NKAIN3: variants seen among roughly 807,000 people sequenced by gnomAD.
NKAIN3 encodes sodium/potassium-transporting ATPase subunit beta-1-interacting protein 3.
In NKAIN3, 25 loss-of-function variants were observed where a neutral mutation model predicts 30.2. That is an observed-to-expected ratio of 0.83 (90% CI 0.60 to 1.16). NKAIN3 has a LOEUF of 1.16. NKAIN3 is among the 50% of genes most tolerant of loss of function. The pLI, the probability that NKAIN3 is intolerant of heterozygous loss-of-function variation, is 0.00. For missense variants in NKAIN3, 225 were observed against 254.1 expected, an observed-to-expected ratio of 0.89 and a Z score of 0.78; for synonymous variants, 91 against 89.6, an observed-to-expected ratio of 1.02 and a Z score of -0.09.
chr8:62,267,195 T>G (rs968778511), intron 1 of NKAIN3, among the ~76,000 whole-genome samples: 1 of 152,248 alleles, frequency 6.6e-6, no homozygotes, highest in African/African-American at 2.4e-5. Context: ...TAACAAAATA[T>G]AAATAGAATT....
chr8:62,495,549 GTA>G (rs35102614), intron 1 of NKAIN3, among the ~76,000 whole-genome samples: 19 of 146,780 alleles, frequency 1.3e-4, no homozygotes, highest in South Asian at 4.3e-4. Flanking sequence ...GAGACAGAGA[GTA>G]TATATATATA....
At position 62,971,550 on chromosome 8, in the gene NKAIN3, T is replaced by C. The variant is rs1186155043; in HGVS notation, c.*6143T>C. ...TGGGAGGTTGAAGTAGGAGGGTTGTTTGAACCTGGGAGACGGAGGTTGCAG... is the reference window on the plus strand; with the variant it reads ...TGGGAGGTTGAAGTAGGAGGGTTGTCTGAACCTGGGAGACGGAGGTTGCAG... On this transcript the variant is annotated 3_prime_UTR_variant, in exon 7 of 7. Transcript: ENST00000623646. 6.6e-6 allele frequency among the ~76,000 whole-genome samples: 1 copy of C among 152,008 alleles called. No homozygotes were observed. The highest frequency in any genetic ancestry group is 6.6e-5 in the Admixed American group (1 of 15,250).
rs569927389 is a variant in NKAIN3 at position 62,741,222 on chromosome 8, A to G, written c.274-5710A>G. 3.9e-5 allele frequency among the ~76,000 whole-genome samples: 6 copies of G among 152,134 alleles called. No homozygotes were observed. In the South Asian group the frequency reaches 1.2e-3, roughly 32 times the overall value. On this transcript the variant is annotated intron_variant, in intron 3 of 6. Transcript: ENST00000623646. ...AGACTTACCTGAAATTCTCTTTTCT[A>G]TTGTCCTTGAAGTTCTGAACACTGC...
At chr8:62,464,943 C>T (rs756725293) in intron 1 of NKAIN3, among the ~76,000 whole-genome samples, 4 of 152,236 alleles carry the variant, frequency 2.6e-5, no homozygotes, top group Non-Finnish European at 5.9e-5. Flanking sequence ...ATAGAATTGG[C>T]ATTTCAATGT....
At chr8:62,517,038 G>A (rs1173809866) in intron 1 of NKAIN3, among the ~76,000 whole-genome samples, 1 of 149,482 alleles carries the variant, frequency 6.7e-6, no homozygotes, top group African/African-American at 2.6e-5. Context: ...CATTTCATTT[G>A]ACGCCTCATT....
chr8:62,379,022 G>T (rs1439352676), intron 1 of NKAIN3, among the ~76,000 whole-genome samples: 1 of 152,216 alleles, frequency 6.6e-6, no homozygotes, highest in Non-Finnish European at 1.5e-5. Flanking sequence ...AAAGCCACAG[G>T]GATGGAGCTT....
intron 4 of NKAIN3, among the ~76,000 whole-genome samples, chr8:62,771,163 C>T (rs951457432): frequency 2.6e-5 from 4 of 152,086 alleles, no homozygotes; most frequent in African/African-American, 7.2e-5. Context: ...CACAGTGGCT[C>T]GCACCTGTAA....
At chr8:62,997,443 A>T (rs189210290) in intron 5 of NKAIN3, among the ~76,000 whole-genome samples, 81 of 152,310 alleles carry the variant, frequency 5.3e-4, no homozygotes, top group African/African-American at 1.8e-3. Flanking sequence ...TAAAAAACTA[A>T]AAGGTCAATA....
chr8:62,844,928 A>G (rs1276585097), intron 4 of NKAIN3, among the ~76,000 whole-genome samples: 3 of 152,012 alleles, frequency 2.0e-5, no homozygotes, highest in Admixed American at 6.6e-5. Context: ...AATACTGTCT[A>G]CGAAGGGGCC....
At chr8:62,779,771 T>C (rs960647132) in intron 4 of NKAIN3, among the ~76,000 whole-genome samples, 10 of 152,102 alleles carry the variant, frequency 6.6e-5, no homozygotes, top group Non-Finnish European at 1.0e-4. Flanking sequence ...TATCTTCTCA[T>C]ACCACAATGG....
chr8:62,307,440 T>TC (rs1010997306), intron 1 of NKAIN3, among the ~76,000 whole-genome samples: 1 of 150,134 alleles, frequency 6.7e-6, no homozygotes, highest in African/African-American at 2.5e-5. Context: ...TTTTCTTCTT[T>TC]CCTTCTTTCC....
chr8:62,829,438 A>G (rs1347657977), intron 4 of NKAIN3, among the ~76,000 whole-genome samples: 1 of 152,216 alleles, frequency 6.6e-6, no homozygotes, highest in Non-Finnish European at 1.5e-5. Context: ...CAAAAGGTAA[A>G]GAAACTTAGT....
intron 4 of NKAIN3, among the ~76,000 whole-genome samples, chr8:62,841,696 C>T (rs1819535134): frequency 2.0e-5 from 3 of 152,108 alleles, no homozygotes; most frequent in Non-Finnish European, 2.9e-5. Flanking sequence ...TTTGTTTACT[C>T]TATTTTCTTT....
At chr8:62,779,499 C>T (rs917264562) in intron 4 of NKAIN3, among the ~76,000 whole-genome samples, 9 of 152,064 alleles carry the variant, frequency 5.9e-5, no homozygotes, top group African/African-American at 2.2e-4. Context: ...GAACTGTGTT[C>T]CAACACAAAG....
At chr8:62,912,623 G>C (rs547617894) in intron 4 of NKAIN3, among the ~76,000 whole-genome samples, 9 of 151,966 alleles carry the variant, frequency 5.9e-5, no homozygotes, top group Admixed American at 2.0e-4. Context: ...TAAAAACTAA[G>C]ATCCAGCTGG....
At chr8:62,581,341 T>A (rs916724855) in intron 2 of NKAIN3, among the ~76,000 whole-genome samples, 1 of 152,094 alleles carries the variant, frequency 6.6e-6, no homozygotes, top group Admixed American at 6.5e-5. Flanking sequence ...CATTACAGAC[T>A]TTTTGTTTTA....
chr8:62,787,966 T>A (rs538669430), intron 4 of NKAIN3, among the ~76,000 whole-genome samples: 2 of 152,258 alleles, frequency 1.3e-5, no homozygotes, highest in African/African-American at 4.8e-5. Context: ...TCTTTGCTAT[T>A]GTGAATAGTG....
At chr8:62,810,638 GT>G (rs3032376) in intron 4 of NKAIN3, among the ~76,000 whole-genome samples, 3,594 of 120,188 alleles carry the variant, frequency 0.03, 116 homozygotes, top group African/African-American at 0.11. Flanking sequence ...TAGGTAGAAA[GT>G]TTTTTTTTTT....
chr8:62,791,588 T>C (rs114394827), intron 4 of NKAIN3, among the ~76,000 whole-genome samples: 1,553 of 152,176 alleles, frequency 0.01, 27 homozygotes, highest in African/African-American at 0.034. Flanking sequence ...AAGACATAAA[T>C]TGCTTATACT....
Sources: gnomAD v4.1 joint callset for allele counts (sites outside exome capture counted in the v4.1 genomes callset) on GRCh38, gnomAD v4.1.1 for gene constraint, MANE v1.5 for transcripts, NCBI Gene and HGNC (gene_info 2026-07-23, HGNC 2026-07-21) for gene names.